The following EPHA6 variants were observed in gnomAD, a reference collection of about 807,000 sequenced individuals.
EPHA6 encodes the protein EPH receptor A6, also known as ephrin type-A receptor 6.
In EPHA6, 50 loss-of-function variants were observed where a neutral mutation model predicts 112.0. That is an observed-to-expected ratio of 0.45 (90% CI 0.36 to 0.56). The LOEUF (loss-of-function observed/expected upper bound fraction) is 0.56. EPHA6 is among the 20% of genes least tolerant of loss of function. The probability of loss-of-function intolerance (pLI) is 0.00; values close to 1 mark genes in which losing one functional copy is unlikely to be tolerated. For synonymous variants in EPHA6, 529 were observed against 490.7 expected, an observed-to-expected ratio of 1.08 and a Z score of -1.03; for missense variants, 1,280 against 1,417.4, an observed-to-expected ratio of 0.90 and a Z score of 1.56.
At chr3:97,581,241 A>G (rs1236272391) in intron 11 of EPHA6, among the ~76,000 whole-genome samples, 1 of 152,218 alleles carries the variant, frequency 6.6e-6, no homozygotes, top group African/African-American at 2.4e-5. Flanking sequence ...GGAGAGAAAG[A>G]CTATATGAGA....
At chr3:96,883,950 G>C (rs2037476159) in intron 2 of EPHA6, among the ~76,000 whole-genome samples, 1 of 152,050 alleles carries the variant, frequency 6.6e-6, no homozygotes, top group Non-Finnish European at 1.5e-5. Flanking sequence ...TAGGATTACA[G>C]GCCCAGTACC....
chr3:97,065,891 A>T (rs547157938), intron 3 of EPHA6, among the ~76,000 whole-genome samples: 2 of 152,196 alleles, frequency 1.3e-5, no homozygotes, highest in South Asian at 2.1e-4. Context: ...TTTTAAAAAA[A>T]TCCTAGTAAA....
At chr3:97,086,341 A>T (rs776774655) in intron 3 of EPHA6, among the ~76,000 whole-genome samples, 1 of 152,122 alleles carries the variant, frequency 6.6e-6, no homozygotes, top group African/African-American at 2.4e-5. Flanking sequence ...TTTACATTTC[A>T]TTATAGGTTA....
chr3:97,050,913 C>T (rs1242431005), intron 3 of EPHA6, among the ~76,000 whole-genome samples: 1 of 152,064 alleles, frequency 6.6e-6, no homozygotes, highest in Non-Finnish European at 1.5e-5. Flanking sequence ...TCAGCATAAC[C>T]TTGGAATTCA....
At chr3:97,510,624 C>A (rs962116535) in intron 10 of EPHA6, among the ~76,000 whole-genome samples, 1 of 152,140 alleles carries the variant, frequency 6.6e-6, no homozygotes, top group Admixed American at 6.5e-5. Context: ...TGTCTGTTGA[C>A]ACCTCCTGGG....
chr3:97,565,372 A>G (rs2093249854), intron 11 of EPHA6, among the ~76,000 whole-genome samples: 1 of 152,170 alleles, frequency 6.6e-6, no homozygotes, highest in East Asian at 1.9e-4. Flanking sequence ...TGTTAGAATA[A>G]CTATGTGTAT....
At chr3:97,118,113 A>G (rs1437471997) in intron 3 of EPHA6, among the ~76,000 whole-genome samples, 1 of 151,846 alleles carries the variant, frequency 6.6e-6, no homozygotes, top group African/African-American at 2.4e-5. Flanking sequence ...TTAAATGATT[A>G]TATTTCATTA....
intron 3 of EPHA6, among the ~76,000 whole-genome samples, chr3:96,994,734 G>T (rs7433342): frequency 0.16 from 12,897 of 79,384 alleles, 669 homozygotes; most frequent in East Asian, 0.23. Flanking sequence ...TATATATATA[G>T]AGAGAGAGAG....
intron 2 of EPHA6, among the ~76,000 whole-genome samples, chr3:96,970,238 TAC>T (rs370673260): frequency 0.046 from 6,660 of 143,350 alleles, 372 homozygotes; most frequent in African/African-American, 0.13. Flanking sequence ...TGCCTCTTCA[TAC>T]ACACACACAC....
At chr3:97,279,296 G>T (rs1298565548) in intron 5 of EPHA6, among the ~76,000 whole-genome samples, 2 of 151,968 alleles carry the variant, frequency 1.3e-5, no homozygotes, top group Admixed American at 6.6e-5. Flanking sequence ...TTCTTACTGT[G>T]ACTATTAGAA....
chr3:97,194,513 A>T (rs555081959), intron 3 of EPHA6, among the ~76,000 whole-genome samples: 5 of 152,054 alleles, frequency 3.3e-5, no homozygotes, highest in Non-Finnish European at 7.4e-5. Context: ...AGAATGATCT[A>T]TGTGCTGAAG....
intron 4 of EPHA6, 147 bp downstream of exon 4, chr3:97,226,566 T>C: frequency 1.4e-6 from 1 of 736,820 alleles, no homozygotes. Flanking sequence ...AGCTTCTCTC[T>C]CTTCTCAGCA....
intron 6 of EPHA6, among the ~76,000 whole-genome samples, chr3:97,433,526 T>G (rs1321771206): frequency 6.6e-6 from 1 of 152,152 alleles, no homozygotes; most frequent in Admixed American, 6.6e-5. Context: ...AATAAGGGCA[T>G]GCAAGGAAAG....
At chr3:97,104,286 CA>C (rs1461361954) in intron 3 of EPHA6, among the ~76,000 whole-genome samples, 4 of 152,106 alleles carry the variant, frequency 2.6e-5, no homozygotes, top group African/African-American at 7.2e-5. Context: ...GCAAGTTTGT[CA>C]TAGAAGGCTC....
At chr3:97,548,530 A>C (rs574982356) in intron 11 of EPHA6, among the ~76,000 whole-genome samples, 1 of 152,138 alleles carries the variant, frequency 6.6e-6, no homozygotes, top group East Asian at 1.9e-4. Context: ...TTGTATTTGA[A>C]TGTTGATTTT....
intron 3 of EPHA6, chr3:96,994,097 A>G (rs1207371443): frequency 9.1e-6 from 2 of 218,942 alleles, no homozygotes; most frequent in African/African-American, 2.2e-5. Flanking sequence ...ACCTGTATCC[A>G]AATTCTAGAA....
At chr3:97,270,771 C>CA (rs1425134195) in intron 5 of EPHA6, among the ~76,000 whole-genome samples, 1 of 152,238 alleles carries the variant, frequency 6.6e-6, no homozygotes, top group Non-Finnish European at 1.5e-5. Flanking sequence ...ACAGTAACTA[C>CA]AAAAGATGTC....
At chr3:97,399,992 G>GA (rs2086899861) in intron 5 of EPHA6, among the ~76,000 whole-genome samples, 1 of 151,378 alleles carries the variant, frequency 6.6e-6, no homozygotes, top group African/African-American at 2.4e-5. Flanking sequence ...ATGCTTTTGA[G>GA]ACCTATTCAT....
intron 14 of EPHA6, among the ~76,000 whole-genome samples, chr3:97,669,830 A>C (rs2030617357): frequency 6.6e-6 from 1 of 152,192 alleles, no homozygotes; most frequent in Non-Finnish European, 1.5e-5. Context: ...GAACCTTCAT[A>C]AATATTCAGC....
Sources: gnomAD v4.1 joint callset for allele counts (sites outside exome capture counted in the v4.1 genomes callset) on GRCh38, gnomAD v4.1.1 for gene constraint, MANE v1.5 for transcripts, NCBI Gene and HGNC (gene_info 2026-07-23, HGNC 2026-07-21) for gene names.